PTPN13: variants seen among roughly 807,000 people sequenced by gnomAD.
PTPN13 encodes protein tyrosine phosphatase non-receptor type 13.
In PTPN13, 191 loss-of-function variants were observed where a neutral mutation model predicts 284.0. The observed-to-expected ratio is 0.67, with a 90% CI of 0.60 to 0.76. The LOEUF (loss-of-function observed/expected upper bound fraction) is 0.76. Ranked by LOEUF, PTPN13 falls within the 30% of genes least tolerant of loss-of-function variation. The pLI is 0.00. For synonymous variants in PTPN13, 986 were observed against 1,022.3 expected, an observed-to-expected ratio of 0.96 and a Z score of 0.68; for missense variants, 2,797 against 2,939.9, an observed-to-expected ratio of 0.95 and a Z score of 1.12.
At chr4:86,797,593 T>A (rs1743496190) in intron 41 of PTPN13, among the ~76,000 whole-genome samples, 3 of 152,166 alleles carry the variant, frequency 2.0e-5, no homozygotes, top group South Asian at 4.1e-4. Context: ...AAGAAAGCAA[T>A]ATTCTCTTAA....
At chr4:86,785,707 T>A in intron 39 of PTPN13, 141 bp from the exon 40 acceptor site, 1 of 495,156 alleles carries the variant, frequency 2.0e-6, no homozygotes, top group Non-Finnish European at 3.5e-6. Context: ...TGATCATTTC[T>A]TCCTAACTTT....
At chr4:86,649,722 C>G (rs994847599) in intron 2 of PTPN13, among the ~76,000 whole-genome samples, 1 of 152,014 alleles carries the variant, frequency 6.6e-6, no homozygotes, top group African/African-American at 2.4e-5. Flanking sequence ...TCTTTTGTGA[C>G]TCCATATAAA....
chr4:86,644,623 A>G (rs933458813), intron 2 of PTPN13, among the ~76,000 whole-genome samples: 2 of 152,220 alleles, frequency 1.3e-5, no homozygotes, highest in African/African-American at 2.4e-5. Flanking sequence ...CAGCATTACT[A>G]TGATTTCAAA....
At chr4:86,763,829 T>A (rs1738978527) in intron 24 of PTPN13, among the ~76,000 whole-genome samples, 1 of 151,978 alleles carries the variant, frequency 6.6e-6, no homozygotes, top group South Asian at 2.1e-4. Flanking sequence ...GAGGATCGCT[T>A]AAGCCCAGAA....
At chr4:86,661,802 A>G (rs1270530035) in intron 2 of PTPN13, among the ~76,000 whole-genome samples, 1 of 152,184 alleles carries the variant, frequency 6.6e-6, no homozygotes, top group Non-Finnish European at 1.5e-5. Flanking sequence ...GCCAGTCATC[A>G]TCTTTGATAT....
intron 2 of PTPN13, among the ~76,000 whole-genome samples, chr4:86,656,574 G>A (rs1026371394): frequency 2.0e-5 from 3 of 152,122 alleles, no homozygotes; most frequent in African/African-American, 7.2e-5. Context: ...CTGCCTGATC[G>A]TTCCTCTGGA....
intron 17 of PTPN13, among the ~76,000 whole-genome samples, chr4:86,748,716 C>T (rs111780578): frequency 0.036 from 5,522 of 152,030 alleles, 344 homozygotes; most frequent in African/African-American, 0.13. Context: ...AGTGCAGTGG[C>T]GCGATCTCAG....
At position 86,701,515 on chromosome 4, in the gene PTPN13, G is replaced by C. The variant is rs749731374; in HGVS notation, c.909G>C (p.Met303Ile). Residue 303 changes from methionine to isoleucine, a missense_variant, in exon 7 of 48, where the codon ATG becomes ATC. Met to Ile is a conservative substitution (Grantham distance 10). Transcript: ENST00000411767. ...AGAAGAAGATCTGGGCTTCATCCAT[G>C]GACTTGCTTTGTACAGCTGACAGAG... ...LSKKKIWASS[M>I]DLLCTADRDF... 6.2e-7 allele frequency: 1 copy of C among 1,613,962 alleles called. No individual in the cohort carries two copies. Among genetic ancestry groups the C allele is most frequent in the East Asian group, 2.2e-5 (1 of 44,886 alleles).
At chr4:86,613,894 TG>T in intron 1 of PTPN13, among the ~76,000 whole-genome samples, 1 of 152,294 alleles carries the variant, frequency 6.6e-6, no homozygotes. Flanking sequence ...GCAGTGAGAC[TG>T]GGAAGTTAAA....
intron 1 of PTPN13, among the ~76,000 whole-genome samples, chr4:86,608,966 G>A (rs1305338711): frequency 1.3e-5 from 2 of 152,092 alleles, no homozygotes; most frequent in African/African-American, 4.8e-5. Flanking sequence ...TTTCAGTAGG[G>A]CTGGATGCTT....
intron 1 of PTPN13, among the ~76,000 whole-genome samples, chr4:86,615,560 T>C (rs928693521): frequency 2.0e-5 from 3 of 152,118 alleles, no homozygotes; most frequent in African/African-American, 7.2e-5. Flanking sequence ...ACAGACAATA[T>C]AGTGTTAGAC....
intron 44 of PTPN13, among the ~76,000 whole-genome samples, chr4:86,806,164 A>G (rs1744631316): frequency 6.6e-6 from 1 of 152,038 alleles, no homozygotes; most frequent in African/African-American, 2.4e-5. Context: ...CTCAAAAAAA[A>G]AATAGGAAAA....
intron 42 of PTPN13, among the ~76,000 whole-genome samples, chr4:86,799,496 AT>A (rs1743747330): frequency 6.6e-6 from 1 of 150,814 alleles, no homozygotes; most frequent in Non-Finnish European, 1.5e-5. Flanking sequence ...TGCCCAGCTA[AT>A]TTTTGTATTT....
intron 2 of PTPN13, among the ~76,000 whole-genome samples, chr4:86,663,518 G>T (rs1008279486): frequency 2.0e-5 from 3 of 152,180 alleles, no homozygotes; most frequent in Admixed American, 2.0e-4. Context: ...AAGGTCTTAT[G>T]ACCTATTTCA....
intron 3 of PTPN13, among the ~76,000 whole-genome samples, chr4:86,675,006 A>G (rs1463245992): frequency 6.6e-6 from 1 of 152,188 alleles, no homozygotes; most frequent in East Asian, 1.9e-4. Flanking sequence ...TAAAATTTAA[A>G]AAGTGCTTAG....
intron 41 of PTPN13, among the ~76,000 whole-genome samples, chr4:86,797,919 G>A (rs12171415): frequency 0.1 from 15,130 of 151,930 alleles, 875 homozygotes; most frequent in Non-Finnish European, 0.11. Context: ...TGAAAAAATA[G>A]AGTTAAAAGA....
Position 86,656,165 on chromosome 4 carries a change from A to G in PTPN13, c.116-16200A>G, listed in dbSNP as rs548451251. ...TGTCTAATCTTTTTTCAAGGTTTTT[A>G]GCTTCTTTGCGATGAGTTCCAACTT... On this transcript the variant is annotated intron_variant, in intron 2 of 47. Coordinates refer to ENST00000411767, the MANE Select transcript of PTPN13 (RefSeq NM_080683.3). Among the ~76,000 whole-genome samples, 14 of 152,252 alleles carry G rather than the reference A, an allele frequency of 9.2e-5. No homozygotes were observed. The South Asian group carries it at 2.9e-3, about 32-fold the overall frequency.
At chr4:86,797,126 G>A (rs10012566) in intron 41 of PTPN13, among the ~76,000 whole-genome samples, 197 bp downstream of exon 41, 43,080 of 151,872 alleles carry the variant, frequency 0.28, 6,220 homozygotes, top group East Asian at 0.31. Context: ...TGGGAGGCTG[G>A]GGCGGGCAGA....
intron 6 of PTPN13, among the ~76,000 whole-genome samples, chr4:86,699,751 A>AT (rs1255134853): frequency 6.6e-6 from 1 of 152,112 alleles, no homozygotes; most frequent in Non-Finnish European, 1.5e-5. Flanking sequence ...AATCCTTTCC[A>AT]TTCTTTTTTT....
Sources: allele counts gnomAD v4.1 joint callset (sites outside exome capture counted in the v4.1 genomes callset), GRCh38; gene constraint gnomAD v4.1.1; transcripts MANE v1.5; gene names NCBI Gene and HGNC (gene_info 2026-07-23, HGNC 2026-07-21).